TMX4: variants seen among roughly 807,000 people sequenced by gnomAD.
TMX4 encodes thioredoxin related transmembrane protein 4.
TMX4 carries 23 observed loss-of-function variants against 33.3 expected under a neutral mutation model. The ratio of observed to expected loss-of-function variants is 0.69; its 90% confidence interval spans 0.50 to 0.98. The LOEUF is 0.98. Among genes scored for constraint, TMX4 ranks in the 50% least tolerant of loss-of-function variants. The pLI, the probability that TMX4 is intolerant of heterozygous loss-of-function variation, is 0.00. For synonymous variants in TMX4, 164 were observed against 161.5 expected, an observed-to-expected ratio of 1.02 and a Z score of -0.12; for missense variants, 399 against 448.9, an observed-to-expected ratio of 0.89 and a Z score of 1.01.
chr20:7,987,190 A>T (rs1293513894), intron 6 of TMX4, 98 bp downstream of exon 6: 1 of 858,100 alleles, frequency 1.2e-6, no homozygotes, highest in Admixed American at 3.1e-5. Context: ...TGCACAAAAT[A>T]CTATTTTTTA....
intron 7 of TMX4, among the ~76,000 whole-genome samples, chr20:7,983,339 A>G (rs1021159278): frequency 2.0e-5 from 3 of 152,210 alleles, no homozygotes; most frequent in African/African-American, 7.2e-5. Context: ...AGTCTCATGA[A>G]CATCTTTATG....
intron 6 of TMX4, among the ~76,000 whole-genome samples, chr20:7,984,985 C>T (rs1033060576): frequency 6.6e-6 from 1 of 152,090 alleles, no homozygotes; most frequent in Non-Finnish European, 1.5e-5. Context: ...CGTAAATATT[C>T]TCTATGTGGC....
chr20:8,005,826 T>TG (rs2050727008), intron 2 of TMX4, among the ~76,000 whole-genome samples: 1 of 152,130 alleles, frequency 6.6e-6, no homozygotes, highest in South Asian at 2.1e-4. Context: ...AGCCGCTGGG[T>TG]GGCCCAACTC....
rs775970626 is a variant in TMX4 at position 7,982,267 on chromosome 20, G to A, written c.1034C>T (p.Ala345Val). Residue 345 changes from alanine (A) to valine (V), a missense_variant, in exon 8 of 8, where the codon GCT becomes GTT. By Grantham distance (64) the Ala-to-Val change is moderately conservative. Transcript: ENST00000246024. Reference protein sequence around the residue: ...DSLRQRKSQHADKGL With the variant: ...DSLRQRKSQHVDKGL ...TCATTAAATCTACAGTCCCTTGTCAGCATGCTGACTTTTACGCTGCCTCAA... is the reference window on the plus strand; with the variant it reads ...TCATTAAATCTACAGTCCCTTGTCAACATGCTGACTTTTACGCTGCCTCAA... The A allele has an allele frequency of 2.5e-6, 4 of 1,613,600 alleles. No individual in the cohort carries two copies. The highest frequency in any genetic ancestry group is 3.4e-6 in the Non-Finnish European group (4 of 1,179,862).
At chr20:7,988,904 T>C (rs1438503900) in intron 5 of TMX4, among the ~76,000 whole-genome samples, 1 of 151,678 alleles carries the variant, frequency 6.6e-6, no homozygotes, top group Non-Finnish European at 1.5e-5. Context: ...GCGCCTATAA[T>C]CCTAGCTACT....
chr20:8,018,907 G>A, intron 1 of TMX4: 1 of 383,076 alleles, frequency 2.6e-6, no homozygotes. Flanking sequence ...TCAAACGGAA[G>A]ACTACGACAC....
At chr20:8,009,145 C>A (rs910792375) in intron 2 of TMX4, among the ~76,000 whole-genome samples, 1 of 152,038 alleles carries the variant, frequency 6.6e-6, no homozygotes, top group African/African-American at 2.4e-5. Flanking sequence ...TTGAAAATAG[C>A]CACATTTTAG....
rs1254966463 is a variant in TMX4 at position 7,979,297 on chromosome 20, G to T, written c.*2954C>A. On this transcript the variant is annotated 3_prime_UTR_variant, in exon 8 of 8. Transcript: ENST00000246024. ...GAAAGATATTAAATTAAATTTTGTT[G>T]GAAAAAAACCCATCTTTGCCATGAT... 6.6e-6 allele frequency: 1 copy of T among 151,514 alleles called. No individual in the cohort carries two copies. Among genetic ancestry groups the T allele is most frequent in the African/African-American group, 2.4e-5 (1 of 41,230 alleles). The allele number at this position is 151,514 out of a possible 1,614,324, so 9.4% of individuals were successfully genotyped here.
At chr20:7,994,596 T>C (rs1364396072) in intron 5 of TMX4, among the ~76,000 whole-genome samples, 1 of 152,240 alleles carries the variant, frequency 6.6e-6, no homozygotes, top group Non-Finnish European at 1.5e-5. Flanking sequence ...ATGAAGGCCA[T>C]AATCAGCTTC....
chr20:8,010,990 G>A (rs1205384880), intron 1 of TMX4, among the ~76,000 whole-genome samples: 2 of 152,204 alleles, frequency 1.3e-5, no homozygotes, highest in African/African-American at 2.4e-5. Flanking sequence ...AGGAGATTTG[G>A]TGCCTCCTCT....
intron 4 of TMX4, among the ~76,000 whole-genome samples, chr20:7,997,537 T>C (rs1259325686): frequency 6.6e-6 from 1 of 151,582 alleles, no homozygotes; most frequent in Non-Finnish European, 1.5e-5. Flanking sequence ...TCTGACTCAC[T>C]ACAGACACCC....
At chr20:7,989,891 A>G (rs1488863685) in intron 5 of TMX4, among the ~76,000 whole-genome samples, 3 of 152,212 alleles carry the variant, frequency 2.0e-5, no homozygotes, top group Non-Finnish European at 4.4e-5. Context: ...TCCTTATTCA[A>G]TATTATATGT....
Position 7,988,884 on chromosome 20 carries a change from G to A in TMX4, c.514-1495C>T, listed in dbSNP as rs138512318. On this transcript the variant is annotated intron_variant, in intron 5 of 7. Coordinates refer to ENST00000246024, the MANE Select transcript of TMX4 (RefSeq NM_021156.4). ...CTAAAAATACAAAAATCAGCTGGGC[G>A]TAGTGGCAAGCGCCTATAATCCTAG... 7.9e-5 allele frequency among the ~76,000 whole-genome samples: 12 copies of A among 152,208 alleles called. No individual in the cohort carries two copies. The East Asian group carries it at 1.7e-3, about 22-fold the overall frequency.
rs556214676 is a variant in TMX4 at position 8,009,184 on chromosome 20, C to A, written c.292+1016G>T. 9.9e-5 allele frequency among the ~76,000 whole-genome samples: 15 copies of A among 152,176 alleles called. 1 individual carries two copies. The South Asian group carries it at 2.9e-3, about 29-fold the overall frequency. ...TTTAGATTATAAAAGGCCATCTTTT[C>A]TTCTCAGTTTATATATAATATACAG... On this transcript the variant is annotated intron_variant, in intron 2 of 7. Coordinates refer to ENST00000246024, the MANE Select transcript of TMX4 (RefSeq NM_021156.4).
rs369971819 is a variant in TMX4 at position 7,982,270 on chromosome 20, T to C, written c.1031A>G (p.His344Arg). 10 of 1,613,824 alleles carry C rather than the reference T, an allele frequency of 6.2e-6. No individual in the cohort carries two copies. The African/African-American group carries it at 9.3e-5, about 15-fold the overall frequency. Residue 344 changes from histidine (H) to arginine (R), a missense_variant, in exon 8 of 8, where the codon CAT (histidine) becomes CGT (arginine). Coordinates refer to ENST00000246024, the MANE Select transcript of TMX4 (RefSeq NM_021156.4). Reference sequence around the variant, plus strand: ...TTAAATCTACAGTCCCTTGTCAGCATGCTGACTTTTACGCTGCCTCAAGGA... The same window carrying C: ...TTAAATCTACAGTCCCTTGTCAGCACGCTGACTTTTACGCTGCCTCAAGGA... ...EDSLRQRKSQHADKGL is the reference protein window; with the variant it reads ...EDSLRQRKSQRADKGL
At chr20:8,010,806 C>A (rs1186552285) in intron 1 of TMX4, among the ~76,000 whole-genome samples, 1 of 152,156 alleles carries the variant, frequency 6.6e-6, no homozygotes, top group East Asian at 1.9e-4. Flanking sequence ...TCTGAACATT[C>A]TGAAAAGGAA....
At chr20:7,988,543 A>C (rs2050640267) in intron 5 of TMX4, among the ~76,000 whole-genome samples, 1 of 152,260 alleles carries the variant, frequency 6.6e-6, no homozygotes, top group African/African-American at 2.4e-5. Context: ...CGCAGCAAGT[A>C]GTTTAAACAC....
chr20:8,018,202 G>A (rs1440999703), intron 1 of TMX4, among the ~76,000 whole-genome samples: 1 of 125,060 alleles, frequency 8.0e-6, no homozygotes, highest in East Asian at 2.6e-4. Flanking sequence ...GTAGTATACA[G>A]ATTGCCAGAA....
At chr20:7,987,205 C>G in intron 6 of TMX4, 83 bp downstream of exon 6, 1 of 994,252 alleles carries the variant, frequency 1.0e-6, no homozygotes, top group Non-Finnish European at 1.5e-6. Context: ...TTTTTATGTG[C>G]TTTTTCTTTC....
Sources: gnomAD v4.1 joint callset for allele counts (sites outside exome capture counted in the v4.1 genomes callset) on GRCh38, gnomAD v4.1.1 for gene constraint, MANE v1.5 for transcripts, NCBI Gene and HGNC (gene_info 2026-07-23, HGNC 2026-07-21) for gene names.